Variants in VPS52 observed in about 807,000 individuals in gnomAD.
VPS52 encodes vacuolar protein sorting-associated protein 52 homolog.
Under a neutral mutation model 98.7 loss-of-function variants are expected in VPS52, and 56 were observed. The observed-to-expected ratio is 0.57, with a 90% CI of 0.46 to 0.71. The LOEUF (loss-of-function observed/expected upper bound fraction) is 0.71, where lower values mean the gene tolerates loss of function less well. VPS52 is among the 30% of genes least tolerant of loss of function. The pLI is 0.00. For synonymous variants in VPS52, 348 were observed against 346.4 expected, an observed-to-expected ratio of 1.00 and a Z score of -0.05; for missense variants, 742 against 925.9, an observed-to-expected ratio of 0.80 and a Z score of 2.58.
intron 17 of VPS52, among the ~76,000 whole-genome samples, chr6:33,256,858 A>G (rs1481222293): frequency 7.2e-6 from 1 of 139,006 alleles, no homozygotes; most frequent in African/African-American, 3.3e-5. Context: ...AAAAAAAAGA[A>G]AAGAAAAAAA....
intron 17 of VPS52, among the ~76,000 whole-genome samples, chr6:33,255,592 G>C (rs985022371): frequency 6.6e-6 from 1 of 150,430 alleles, no homozygotes; most frequent in Non-Finnish European, 1.5e-5. Context: ...GACCATCCTG[G>C]CTAACATGGT....
chr6:33,262,902 G>A (rs560246985), intron 17 of VPS52, among the ~76,000 whole-genome samples: 1 of 152,204 alleles, frequency 6.6e-6, no homozygotes, highest in East Asian at 1.9e-4. Context: ...GGAAGGCTGG[G>A]GAGAAGGTGG....
intron 12 of VPS52, among the ~76,000 whole-genome samples, chr6:33,266,070 C>A (rs1375115641): frequency 6.6e-6 from 1 of 151,760 alleles, no homozygotes; most frequent in African/African-American, 2.4e-5. Flanking sequence ...TCATGTTGGT[C>A]AGGCTGGTCT....
At position 33,267,991 on chromosome 6, in the gene VPS52, G is replaced by A. The variant is rs753156202; in HGVS notation, c.807C>T (p.Phe269=). The A allele has an allele frequency of 1.2e-6, 2 of 1,613,030 alleles. No individual in the cohort carries two copies. Among genetic ancestry groups the A allele is most frequent in the Non-Finnish European group, 8.5e-7 (1 of 1,180,020 alleles). ...GTTCATTGCCCAGCAGAAACTGATA[G>A]AAGAACCTAGGGGGTCAGGAACATG... ...PQTALLKYRF[F]YQFLLGNERA... Residue 269 remains phenylalanine, a synonymous_variant, in exon 9 of 20, where the codon TTC becomes TTT. Coordinates refer to ENST00000445902, the MANE Select transcript of VPS52 (RefSeq NM_022553.6). The surrounding 1 kb of genome is among the most constrained non-coding windows in gnomAD (Gnocchi z 4.2).
chr6:33,264,799 A>G lies in VPS52; in HGVS notation c.1383T>C (p.Asp461=). ...TCAGTGACCTGTCCAGGGCAGGAAC[A>G]TCCCTCTTTGCTGCAATGTTACGGA... ...LRFRNIAAKR[D]VPALDRYWEQ... is the part of the protein sequence containing the mutation. Residue 461 remains aspartate, a synonymous_variant, in exon 13 of 20, where the codon GAT becomes GAC. Transcript: ENST00000445902. 1.2e-6 allele frequency: 2 copies of G among 1,613,144 alleles called. No individual in the cohort carries two copies. The highest frequency in any genetic ancestry group is 8.5e-7 in the Non-Finnish European group (1 of 1,180,012).
Position 33,268,415 on chromosome 6 carries a change from T to A in VPS52, c.699+84A>T. The A allele has an allele frequency of 6.6e-7, 1 of 1,507,638 alleles. No homozygotes were observed. Among genetic ancestry groups the A allele is most frequent in the African/African-American group, 1.4e-5 (1 of 71,948 alleles). The allele number at this position is 1,507,638 out of a possible 1,614,324, so 93.4% of individuals were successfully genotyped here. On this transcript the variant is annotated intron_variant, in intron 7 of 19. Transcript: ENST00000445902. The surrounding 1 kb of genome is among the most constrained non-coding windows in gnomAD (Gnocchi z 4.0). Reference sequence around the variant, plus strand: ...TGAAGTCCCTGGAGACAGGCTACAGTGAGCTCTGCCAAGGAAATCCATAGT... The same window carrying A: ...TGAAGTCCCTGGAGACAGGCTACAGAGAGCTCTGCCAAGGAAATCCATAGT...
Position 33,266,582 on chromosome 6 carries a change from A to G in VPS52, c.1256T>C (p.Met419Thr). The G allele has an allele frequency of 6.2e-7, 1 of 1,612,066 alleles. No individual in the cohort carries two copies. The highest frequency in any genetic ancestry group is 8.5e-7 in the Non-Finnish European group (1 of 1,179,418). The change falls in exon 12 of 20, where the codon ATG (methionine) becomes ACG (threonine). Residue 419 changes from methionine (M) to threonine (T), a missense_variant. By Grantham distance (81) the Met-to-Thr change is moderately conservative. This residue lies in a region of VPS52 where 590 missense variants were observed against 793.3 expected (regional missense o/e 0.74). Coordinates refer to ENST00000445902, the MANE Select transcript of VPS52 (RefSeq NM_022553.6). The part of the protein sequence containing the change: ...PAAHDLFHAV[M>T]GRTLSMTLKH... The stretch of plus-strand genomic sequence containing the variant: ...CAGGGTCATGCTGAGTGTACGGCCC[A>G]TGACAGCATGGAACAGGTCGTGTGC...
At chr6:33,269,715 C>T in intron 4 of VPS52, 29 bp downstream of exon 4, 1 of 1,608,536 alleles carries the variant, frequency 6.2e-7, no homozygotes, top group South Asian at 1.1e-5. Context: ...ATGTCAATAG[C>T]ACCACCCCTT....
Position 33,268,772 on chromosome 6 carries a change from G to C in VPS52, c.549-123C>G. The C allele has an allele frequency of 2.4e-6, 3 of 1,270,720 alleles. No individual in the cohort carries two copies. Among genetic ancestry groups the C allele is most frequent in the Non-Finnish European group, 2.1e-6 (2 of 944,692 alleles). The allele number at this position is 1,270,720 out of a possible 1,614,324, so 78.7% of individuals were successfully genotyped here. A position where few individuals can be genotyped will look rare whatever the true frequency, so the allele number is the denominator to read the frequency against. On this transcript the variant is annotated intron_variant, in intron 6 of 19. Transcript: ENST00000445902. This position sits in a 1 kb window ranked among gnomAD's most constrained non-coding sequence, Gnocchi z 4.0. ...CTACCACCTTGCATTGTACCATATA[G>C]TCAGGACACATGTACAAAGTTTTCT...
chr6:33,251,844 C>T lies in VPS52; in HGVS notation c.1906+16G>A. The stretch of plus-strand genomic sequence containing the variant: ...CCCTTACCACTGATCCCATCATTAC[C>T]ATATTTTCCTCATACCTTCTTCCCC... On this transcript the variant is annotated intron_variant, in intron 18 of 19. Coordinates refer to ENST00000445902, the MANE Select transcript of VPS52 (RefSeq NM_022553.6). 1 of 1,612,436 alleles carries T rather than the reference C, an allele frequency of 6.2e-7. No homozygotes were observed. Among genetic ancestry groups the T allele is most frequent in the Non-Finnish European group, 8.5e-7 (1 of 1,178,858 alleles).
In VPS52 at chr6:33,268,588, C is replaced by G. The variant is rs749352670; in HGVS notation, c.610G>C (p.Ala204Pro). The change falls in exon 7 of 20, where the codon GCC becomes CCC. Residue 204 changes from alanine (A) to proline (P), a missense_variant. Ala to Pro is a conservative substitution (Grantham distance 27, BLOSUM62 -1). Coordinates refer to ENST00000445902, the MANE Select transcript of VPS52 (RefSeq NM_022553.6). The surrounding 1 kb of genome is among the most constrained non-coding windows in gnomAD (Gnocchi z 4.0). ...RFLEQLQELD[A>P]KAAAVREQEA... ...TGCTCTCTGACTGCGGCTGCCTTGG[C>G]ATCCAGCTCCTGTAGCTGCTCCAAG... 3 of 1,611,702 alleles carry G rather than the reference C, an allele frequency of 1.9e-6. No individual in the cohort carries two copies. The highest frequency in any genetic ancestry group is 2.5e-6 in the Non-Finnish European group (3 of 1,179,976).
chr6:33,271,376 GA>G, intron 1 of VPS52: 1 of 740,412 alleles, frequency 1.4e-6, no homozygotes, highest in Non-Finnish European at 2.4e-6. Flanking sequence ...AATGTGGAGT[GA>G]AGTTGAAATT....
chr6:33,270,648 AAGAC>A (rs1207714824), intron 1 of VPS52, among the ~76,000 whole-genome samples: 2 of 152,084 alleles, frequency 1.3e-5, no homozygotes, highest in Non-Finnish European at 2.9e-5. Context: ...AAAAAGGTAA[AAGAC>A]AAGACAGTGC....
chr6:33,270,148 C>A, intron 2 of VPS52, 51 bp downstream of exon 2: 1 of 1,611,924 alleles, frequency 6.2e-7, no homozygotes, highest in Non-Finnish European at 8.5e-7. Flanking sequence ...CCTTCCAGCC[C>A]CCATGCCTCT....
chr6:33,261,151 G>C (rs1392603551), intron 17 of VPS52, among the ~76,000 whole-genome samples: 2 of 152,036 alleles, frequency 1.3e-5, no homozygotes, highest in Non-Finnish European at 2.9e-5. Context: ...TGGTAAAAGT[G>C]CCAAGAACAT....
intron 3 of VPS52, 64 bp downstream of exon 3, chr6:33,269,935 C>T: frequency 1.2e-6 from 2 of 1,606,518 alleles, no homozygotes; most frequent in Non-Finnish European, 1.7e-6. Context: ...AAGCAAGAGA[C>T]TGTTGTTTTT....
At chr6:33,270,393 C>T in intron 1 of VPS52, 110 bp from the exon 2 acceptor site, 1 of 996,172 alleles carries the variant, frequency 1.0e-6, no homozygotes, top group Non-Finnish European at 1.5e-6. Flanking sequence ...TTACTGGGAG[C>T]CACAGGTACT....
intron 17 of VPS52, 77 bp from the exon 18 acceptor site, chr6:33,252,048 T>A: frequency 8.6e-7 from 1 of 1,166,244 alleles, no homozygotes; most frequent in Non-Finnish European, 1.3e-6. Flanking sequence ...ATGACTAATG[T>A]AGATCCATCT....
At position 33,269,117 on chromosome 6, in the gene VPS52, C is replaced by T. The variant is rs747161084; in HGVS notation, c.445G>A (p.Glu149Lys). Residue 149 changes from glutamate (E) to lysine (K), a missense_variant, in exon 6 of 20, where the codon GAA becomes AAA. Coordinates refer to ENST00000445902, the MANE Select transcript of VPS52 (RefSeq NM_022553.6). ...SISSEIRTLQ[E>K]QSGAMNIRLR... ...CGAATGTTCATGGCTCCTGACTGTT[C>T]CTGCAGTGTCCGGATCTCAGAGCTG... 5 of 1,612,992 alleles carry T rather than the reference C, an allele frequency of 3.1e-6. No homozygotes were observed. Among genetic ancestry groups the T allele is most frequent in the Non-Finnish European group, 3.4e-6 (4 of 1,180,006 alleles).
Sources: gnomAD v4.1 joint callset for allele counts (sites outside exome capture counted in the v4.1 genomes callset) on GRCh38, gnomAD v4.1.1 for gene constraint, gnomAD v4.1.1 regional missense constraint, Gnocchi (gnomAD v3.1) non-coding constraint, MANE v1.5 for transcripts, NCBI Gene and HGNC (gene_info 2026-07-23, HGNC 2026-07-21) for gene names.